The following PHF24 variants were observed in gnomAD, a reference collection of about 807,000 sequenced individuals.
The protein encoded by PHF24 is Galpha inhibitory interacting protein.
In PHF24, 25 loss-of-function variants were observed where a neutral mutation model predicts 42.6. The observed-to-expected ratio is 0.59, with a 90% confidence interval of 0.43 to 0.82. The LOEUF (loss-of-function observed/expected upper bound fraction) is 0.82, where lower values mean the gene tolerates loss of function less well. Ranked by LOEUF, PHF24 falls within the 40% of genes least tolerant of loss-of-function variation. The pLI is 0.00. For missense variants in PHF24, 470 were observed against 538.1 expected (o/e 0.87, Z 1.25); for synonymous variants, 185 against 204.8 (o/e 0.90, Z 0.83).
the PHF24 span, among the ~76,000 whole-genome samples, chr9:34,855,171 G>A: frequency 6.6e-6 from 1 of 152,096 alleles, no homozygotes; most frequent in Non-Finnish European, 1.5e-5. Context: ...GTGTGTCTTT[G>A]CACATTAGAT....
the PHF24 span, among the ~76,000 whole-genome samples, chr9:34,697,149 G>T: frequency 3.3e-5 from 5 of 152,208 alleles, no homozygotes; most frequent in African/African-American, 9.7e-5. Flanking sequence ...TGGAAGCCTG[G>T]ATTTGACAGT....
the PHF24 span, chr9:34,709,319 T>A: frequency 6.4e-7 from 1 of 1,563,234 alleles, no homozygotes; most frequent in African/African-American, 1.4e-5. Flanking sequence ...ATAGCCTCCT[T>A]CTTGCATCTT....
the PHF24 span, among the ~76,000 whole-genome samples, chr9:34,815,831 T>C: frequency 2.6e-5 from 4 of 152,180 alleles, no homozygotes; most frequent in African/African-American, 9.7e-5. Flanking sequence ...ATTTTAAGAC[T>C]TTTTAGGCCA....
At chr9:34,891,526 G>T in the PHF24 span, among the ~76,000 whole-genome samples, 1 of 152,184 alleles carries the variant, frequency 6.6e-6, no homozygotes, top group African/African-American at 2.4e-5. Context: ...ACATAGGTCA[G>T]GGCTGTACTG....
the PHF24 span, chr9:34,725,078 A>G: frequency 5.2e-6 from 8 of 1,551,608 alleles, no homozygotes; most frequent in Non-Finnish European, 7.0e-6. Flanking sequence ...CAGTTCCAGG[A>G]ACTGGCTTTC....
the PHF24 span, among the ~76,000 whole-genome samples, chr9:34,731,619 A>G: frequency 0.12 from 18,390 of 152,256 alleles, 1,231 homozygotes; most frequent in Middle Eastern, 0.24. Flanking sequence ...GTTGTTGCAA[A>G]TGACGGGACC....
the PHF24 span, among the ~76,000 whole-genome samples, chr9:34,811,537 AAAGTGGACCCTC>A: frequency 2.0e-5 from 3 of 152,344 alleles, no homozygotes; most frequent in Non-Finnish European, 4.4e-5. Flanking sequence ...GCCTTCACTG[AAAGTGGACCCTC>A]AATCTTGGGC....
the PHF24 span, among the ~76,000 whole-genome samples, chr9:34,916,640 A>T: frequency 6.6e-6 from 1 of 152,222 alleles, no homozygotes; most frequent in African/African-American, 2.4e-5. Context: ...AAAACTTAGG[A>T]GTATGACAAT....
chr9:34,789,009 G>A, the PHF24 span, among the ~76,000 whole-genome samples: 1 of 152,160 alleles, frequency 6.6e-6, no homozygotes, highest in Admixed American at 6.5e-5. Context: ...TTTCTGAGGT[G>A]GCAGTAATGA....
chr9:34,857,972 GTTT>G, the PHF24 span, among the ~76,000 whole-genome samples: 1,846 of 95,972 alleles, frequency 0.019, 18 homozygotes, highest in African/African-American at 0.034. Flanking sequence ...TGTTTCTCTG[GTTT>G]TTTTTTTTTT....
chr9:34,739,242 A>C, the PHF24 span, among the ~76,000 whole-genome samples: 1 of 152,228 alleles, frequency 6.6e-6, no homozygotes, highest in Non-Finnish European at 1.5e-5. Flanking sequence ...TGACAAAAAT[A>C]ATATTTGATT....
the PHF24 span, among the ~76,000 whole-genome samples, chr9:34,952,480 C>T: frequency 6.6e-6 from 1 of 152,076 alleles, no homozygotes; most frequent in Non-Finnish European, 1.5e-5. Flanking sequence ...AATTAAAATG[C>T]CACCAGGATT....
At chr9:34,845,422 C>A in the PHF24 span, among the ~76,000 whole-genome samples, 1 of 151,780 alleles carries the variant, frequency 6.6e-6, no homozygotes, top group Admixed American at 6.6e-5. Flanking sequence ...CTCTTGTTGT[C>A]GTCTGTTGAG....
At chr9:34,669,432 A>G in the PHF24 span, among the ~76,000 whole-genome samples, 1 of 151,948 alleles carries the variant, frequency 6.6e-6, no homozygotes, top group African/African-American at 2.4e-5. Context: ...CCACACACAC[A>G]AGAGGCCATG....
intron 1 of PHF24, among the ~76,000 whole-genome samples, chr9:34,970,943 A>G (rs1216549395): frequency 1.3e-5 from 2 of 152,130 alleles, no homozygotes; most frequent in Non-Finnish European, 2.9e-5. Context: ...CCAAAGTTGC[A>G]AGGCCTGTCA....
the PHF24 span, among the ~76,000 whole-genome samples, chr9:34,897,852 A>G: frequency 6.6e-6 from 1 of 152,110 alleles, no homozygotes; most frequent in African/African-American, 2.4e-5. Context: ...AAGTCCCCAA[A>G]GTCCATTGTA....
the PHF24 span, among the ~76,000 whole-genome samples, chr9:34,886,291 T>TC: frequency 4.7e-5 from 7 of 150,452 alleles, no homozygotes; most frequent in African/African-American, 1.7e-4. Context: ...GATCCCACTC[T>TC]CCCCTCCTTC....
intron 1 of PHF24, among the ~76,000 whole-genome samples, chr9:34,962,148 C>G (rs563688515): frequency 1.3e-5 from 2 of 152,330 alleles, no homozygotes; most frequent in East Asian, 3.9e-4. Context: ...GATTTTCTTC[C>G]TCCTTGAAAC....
At chr9:34,702,521 G>T in the PHF24 span, among the ~76,000 whole-genome samples, 1 of 152,230 alleles carries the variant, frequency 6.6e-6, no homozygotes, top group Non-Finnish European at 1.5e-5. Flanking sequence ...GGGTGTTTTA[G>T]TTTGCTGCCT....
Sources: allele counts gnomAD v4.1 joint callset (sites outside exome capture counted in the v4.1 genomes callset), GRCh38; gene constraint gnomAD v4.1.1; transcripts MANE v1.5; gene names NCBI Gene and HGNC (gene_info 2026-07-23, HGNC 2026-07-21).